The following ICE1 variants were observed in gnomAD, a reference collection of about 807,000 sequenced individuals.
The protein encoded by ICE1 is little elongation complex subunit 1.
Under a neutral mutation model 192.7 loss-of-function variants are expected in ICE1, and 64 were observed. That is an observed-to-expected ratio of 0.33 (90% CI 0.27 to 0.41). The LOEUF (loss-of-function observed/expected upper bound fraction) is 0.41. ICE1 is among the 10% of genes least tolerant of loss of function. The probability of loss-of-function intolerance (pLI) is 1.00; values close to 1 mark genes in which losing one functional copy is unlikely to be tolerated. For synonymous variants in ICE1, 1,010 were observed against 984.5 expected (o/e 1.03, Z -0.49); for missense variants, 2,708 against 2,696.0 (o/e 1.00, Z -0.10).
intron 1 of ICE1, among the ~76,000 whole-genome samples, chr5:5,433,750 T>G (rs1737791116): frequency 6.6e-6 from 1 of 152,104 alleles, no homozygotes. Flanking sequence ...AAGCATGTCT[T>G]TTGTGGGACA....
chr5:5,423,562 T>C (rs1737403655), intron 1 of ICE1, among the ~76,000 whole-genome samples: 1 of 152,188 alleles, frequency 6.6e-6, no homozygotes, highest in Non-Finnish European at 1.5e-5. Context: ...TGTCAGTTGT[T>C]TGATAAAAGT....
intron 16 of ICE1, among the ~76,000 whole-genome samples, chr5:5,475,590 TTGTC>T (rs1462929638): frequency 6.6e-6 from 1 of 152,192 alleles, no homozygotes; most frequent in East Asian, 1.9e-4. Context: ...ACAGCTTTAT[TTGTC>T]TGTGATCCTG....
chr5:5,462,555 C>T lies in ICE1; in HGVS notation c.3221C>T (p.Ala1074Val), dbSNP rs1738828690. Residue 1074 changes from alanine (A) to valine (V), a missense_variant, in exon 13 of 19, where the codon GCA (alanine) becomes GTA (valine). Physicochemically the swap from Ala to Val is moderately conservative, Grantham distance 64. This residue lies in a region of ICE1 where 2,366 missense variants were observed against 2,276.6 expected (regional missense o/e 1.04). Coordinates refer to ENST00000296564, the MANE Select transcript of ICE1 (RefSeq NM_015325.3). ...ACCACAGACACTACTTTTTCTTCAG[C>T]ATTTTGCAGAAAACATGGAGAGACA... ...FGTTDTTFSS[A>V]FCRKHGETQD... 1 of 1,613,898 alleles carries T rather than the reference C, an allele frequency of 6.2e-7. No individual in the cohort carries two copies. The highest frequency in any genetic ancestry group is 1.1e-5 in the South Asian group (1 of 91,086).
chr5:5,468,734 G>A (rs937292252), intron 14 of ICE1, 94 bp from the exon 15 acceptor site: 22 of 726,368 alleles, frequency 3.0e-5, no homozygotes, highest in Admixed American at 1.1e-4. Flanking sequence ...ATGCCTGCAA[G>A]GCACCAGTGA....
In ICE1 at chr5:5,460,662, A is replaced by G. The variant is rs201320255; in HGVS notation, c.1328A>G (p.Glu443Gly). 365 of 1,613,890 alleles carry G rather than the reference A, an allele frequency of 2.3e-4. 1 individual carries two copies. The highest frequency in any genetic ancestry group is 3.0e-4 in the Non-Finnish European group (350 of 1,179,904). Residue 443 changes from glutamate to glycine, a missense_variant, in exon 13 of 19, where the codon GAG (glutamate) becomes GGG (glycine). Physicochemically the swap from Glu to Gly is moderately conservative, Grantham distance 98 (BLOSUM62 -2). This residue lies in a region of ICE1 where 2,366 missense variants were observed against 2,276.6 expected (regional missense o/e 1.04). Coordinates refer to ENST00000296564, the MANE Select transcript of ICE1 (RefSeq NM_015325.3). The stretch of plus-strand genomic sequence containing the variant: ...AATAAAGTGACAACTTCTGGACTCG[A>G]GACTTTCACAGCAACACTGAGAGAA... ...EVNKVTTSGL[E>G]TFTATLRESS...
rs1738987970 is a variant in ICE1, at chr5:5,466,466, A to G, written c.6025A>G (p.Arg2009Gly). 2 of 1,612,570 alleles carry G rather than the reference A, an allele frequency of 1.2e-6. No homozygotes were observed. The highest frequency in any genetic ancestry group is 4.5e-5 in the East Asian group (2 of 44,858). The change falls in exon 14 of 19, where the codon AGA becomes GGA. Residue 2009 changes from arginine to glycine, a missense_variant. By Grantham distance (125) the Arg-to-Gly change is moderately radical. Around this residue, in one of 2 missense-constraint regions of ICE1, gnomAD observed 342 missense variants for 419.3 expected, o/e 0.82. Transcript: ENST00000296564. ...GICRQLGDLERARLFCYSLLK... is the reference protein window; with the variant it reads ...GICRQLGDLEGARLFCYSLLK... ...TTGTCGGCAACTCGGAGACTTGGAA[A>G]GAGCTCGTTTGTTTTGCTACAGCCT...
In ICE1 at chr5:5,463,505, G is replaced by A. The variant is rs540908055; in HGVS notation, c.4171G>A (p.Glu1391Lys). 2.5e-5 allele frequency: 41 copies of A among 1,613,148 alleles called. No individual in the cohort carries two copies. In the South Asian group the frequency reaches 2.6e-4, roughly 10 times the overall value. Residue 1391 changes from glutamate (E) to lysine (K), a missense_variant, in exon 13 of 19, where the codon GAA becomes AAA. Around this residue, in one of 2 missense-constraint regions of ICE1, gnomAD observed 2,366 missense variants for 2,276.6 expected, o/e 1.04. Transcript: ENST00000296564. ...AGAGCAAAGTTCTAACTGCGAGGCC[G>A]AAACAACATTTCAGTGTCAGATAGC... ...SIEQSSNCEAETTFQCQIATV... is the reference protein window; with the variant it reads ...SIEQSSNCEAKTTFQCQIATV...
At position 5,422,704 on chromosome 5, in the gene ICE1, CG is replaced by C. The variant is rs1340602997; in HGVS notation, c.-209del. On this transcript the variant is annotated 5_prime_UTR_variant, in exon 1 of 19. Coordinates refer to ENST00000296564, the MANE Select transcript of ICE1 (RefSeq NM_015325.3). ...ACTGCGTCGCGCTCGGGGGCCGCGCCGGGTAGCGTTTCTTTTTAGTGCCTGA... is the reference window on the plus strand; with the variant it reads ...ACTGCGTCGCGCTCGGGGGCCGCGCCGGTAGCGTTTCTTTTTAGTGCCTGA... 2.9e-6 allele frequency: 1 copy of C among 347,818 alleles called. No homozygotes were observed. The highest frequency in any genetic ancestry group is 2.1e-5 in the African/African-American group (1 of 46,700). The allele number at this position is 347,818 out of a possible 1,614,324, so 21.5% of individuals were successfully genotyped here.
intron 1 of ICE1, among the ~76,000 whole-genome samples, chr5:5,427,938 A>G (rs574784327): frequency 2.0e-5 from 3 of 152,168 alleles, no homozygotes; most frequent in South Asian, 4.1e-4. Context: ...GGACAGTTAT[A>G]TAGGAATTGT....
chr5:5,424,454 G>A (rs1362241580), intron 1 of ICE1, among the ~76,000 whole-genome samples: 1 of 151,546 alleles, frequency 6.6e-6, no homozygotes, highest in East Asian at 1.9e-4. Flanking sequence ...TATTATTCGA[G>A]CCAATTCACT....
chr5:5,431,562 T>TA (rs1461890147), intron 1 of ICE1, among the ~76,000 whole-genome samples: 23 of 152,264 alleles, frequency 1.5e-4, no homozygotes, highest in Non-Finnish European at 3.1e-4. Flanking sequence ...ATCTTGGAAT[T>TA]ACTTGCCCTT....
chr5:5,456,986 C>T (rs979612613), intron 11 of ICE1, among the ~76,000 whole-genome samples: 1 of 152,092 alleles, frequency 6.6e-6, no homozygotes, highest in Non-Finnish European at 1.5e-5. Context: ...GTTTCTCTGC[C>T]AGATTCTGCT....
rs987612310 is a variant in ICE1 at position 5,422,738 on chromosome 5, C to G, written c.-178C>G. Reference sequence around the variant, plus strand: ...TTTCTTTTTAGTGCCTGAGGCAGCTCTGGCTCGGAGAGCCTTTTGCTAGCC... The same window carrying G: ...TTTCTTTTTAGTGCCTGAGGCAGCTGTGGCTCGGAGAGCCTTTTGCTAGCC... On this transcript the variant is annotated 5_prime_UTR_variant, in exon 1 of 19. Coordinates refer to ENST00000296564, the MANE Select transcript of ICE1 (RefSeq NM_015325.3). 2.7e-6 allele frequency: 1 copy of G among 375,410 alleles called. No individual in the cohort carries two copies. The highest frequency in any genetic ancestry group is 4.7e-6 in the Non-Finnish European group (1 of 214,660). 23.3% of individuals were successfully genotyped at this position (375,410 alleles called of 1,614,324 possible).
In ICE1 at chr5:5,422,961, G is replaced by A. The variant is rs1485455645; in HGVS notation, c.46G>A (p.Asp16Asn). The A allele has an allele frequency of 1.4e-5, 21 of 1,456,060 alleles. No homozygotes were observed. The highest frequency in any genetic ancestry group is 1.9e-5 in the Non-Finnish European group (21 of 1,106,866). The allele number at this position is 1,456,060 out of a possible 1,614,324, so 90.2% of individuals were successfully genotyped here. A position where few individuals can be genotyped will look rare whatever the true frequency, so the allele number is the denominator to read the frequency against. The change falls in exon 1 of 19, where the codon GAC becomes AAC. Residue 16 changes from aspartate (D) to asparagine (N), a missense_variant. Asp to Asn is a conservative substitution (Grantham distance 23). Around this residue, in one of 2 missense-constraint regions of ICE1, gnomAD observed 2,366 missense variants for 2,276.6 expected, o/e 1.04. Transcript: ENST00000296564. ...TTCGGCGGCGCCCGGGACGGCGGCG[G>A]ACCTGTCGCGATGTCAGGGCTGCGC... ...THSAAPGTAADLSRCQGCASL... is the reference protein window; with the variant it reads ...THSAAPGTAANLSRCQGCASL...
chr5:5,423,041 G>C (rs992740088), intron 1 of ICE1, 42 bp downstream of exon 1: 2 of 1,290,558 alleles, frequency 1.5e-6, no homozygotes, highest in Non-Finnish European at 2.0e-6. Flanking sequence ...GGGGGACTCG[G>C]CTCGGCCGGC....
intron 1 of ICE1, among the ~76,000 whole-genome samples, chr5:5,423,828 G>A (rs1185489439): frequency 1.3e-5 from 2 of 152,184 alleles, no homozygotes; most frequent in African/African-American, 4.8e-5. Context: ...AGTGTTCTAG[G>A]AACTACAGAC....
intron 1 of ICE1, among the ~76,000 whole-genome samples, chr5:5,429,606 A>G (rs1028972680): frequency 1.3e-5 from 2 of 152,178 alleles, no homozygotes; most frequent in East Asian, 1.9e-4. Context: ...TACATATCCC[A>G]TTATCATCTG....
rs562844862 is a variant in ICE1 at position 5,485,995 on chromosome 5, G to A, written c.6521-726G>A. The stretch of plus-strand genomic sequence containing the variant: ...CTTTCAATCAAAGGTGGTGTCCTAT[G>A]AGAAAAAAGCGCCTAATTTCACTCA... On this transcript the variant is annotated intron_variant, in intron 17 of 18. Transcript: ENST00000296564. 5.9e-5 allele frequency among the ~76,000 whole-genome samples: 9 copies of A among 152,342 alleles called. No homozygotes were observed. In the East Asian group the frequency reaches 1.3e-3, roughly 23 times the overall value.
Position 5,490,085 on chromosome 5 carries a change from C to T in ICE1, c.*755C>T, listed in dbSNP as rs764155127. On this transcript the variant is annotated 3_prime_UTR_variant, in exon 19 of 19. Transcript: ENST00000296564. ...GATGTGTCTCACATTGGATGATATT[C>T]CACTTTGGGAATTTTAGTATTTGTA... The T allele has an allele frequency of 6.6e-6, 1 of 152,084 alleles. No individual in the cohort carries two copies. The highest frequency in any genetic ancestry group is 1.5e-5 in the Non-Finnish European group (1 of 68,016). 9.4% of individuals were successfully genotyped at this position (152,084 alleles called of 1,614,324 possible). A position where few individuals can be genotyped will look rare whatever the true frequency, so the allele number is the denominator to read the frequency against.
Sources: gnomAD v4.1 joint callset for allele counts (sites outside exome capture counted in the v4.1 genomes callset) on GRCh38, gnomAD v4.1.1 for gene constraint, gnomAD v4.1.1 regional missense constraint, MANE v1.5 for transcripts, NCBI Gene and HGNC (gene_info 2026-07-23, HGNC 2026-07-21) for gene names.